Variants in HINT3 observed in about 807,000 individuals in gnomAD.
HINT3 encodes adenosine 5'-monophosphoramidase HINT3.
A neutral mutation model predicts 19.1 loss-of-function variants in HINT3; 16 were observed. The observed-to-expected ratio is 0.84, with a 90% CI of 0.57 to 1.27. The LOEUF (loss-of-function observed/expected upper bound fraction) is 1.27, where lower values mean the gene tolerates loss of function less well. Ranked by LOEUF, HINT3 falls within the 50% of genes most tolerant of loss-of-function variation. The pLI, the probability that HINT3 is intolerant of heterozygous loss-of-function variation, is 0.00. For missense variants in HINT3, 197 were observed against 225.8 expected (o/e 0.87, Z 0.82); for synonymous variants, 75 against 84.8 (o/e 0.88, Z 0.63).
At chr6:125,975,263 A>C (rs915992507) in intron 4 of HINT3, among the ~76,000 whole-genome samples, 4 of 152,154 alleles carry the variant, frequency 2.6e-5, no homozygotes, top group Non-Finnish European at 5.9e-5. Context: ...TCTGGATTCA[A>C]ATTCTGGCTG....
In HINT3 at chr6:125,956,943, G is replaced by T; in HGVS notation, c.-35G>T. The T allele has an allele frequency of 6.5e-7, 1 of 1,542,914 alleles. No homozygotes were observed. Reference sequence around the variant, plus strand: ...ACTGCGCGGGCCCGGTAGCCCTGGAGAGGCCGAGGCTCTAGGCCGCGAGGG... The same window carrying T: ...ACTGCGCGGGCCCGGTAGCCCTGGATAGGCCGAGGCTCTAGGCCGCGAGGG... On this transcript the variant is annotated 5_prime_UTR_variant, in exon 1 of 5. Transcript: ENST00000229633.
intron 2 of HINT3, among the ~76,000 whole-genome samples, chr6:125,970,516 G>A (rs1789082238): frequency 6.6e-6 from 1 of 152,030 alleles, no homozygotes; most frequent in Non-Finnish European, 1.5e-5. Context: ...GCAGCTGGTA[G>A]GTATTTGGGA....
In HINT3 at chr6:125,966,893, G is replaced by C; in HGVS notation, c.208G>C (p.Asp70His). 1 of 1,602,672 alleles carries C rather than the reference G, an allele frequency of 6.2e-7. No homozygotes were observed. Among genetic ancestry groups the C allele is most frequent in the Non-Finnish European group, 8.5e-7 (1 of 1,172,018 alleles). The stretch of plus-strand genomic sequence containing the variant: ...CAAATGTTTTTTCCTTTAGAATGAG[G>C]ACCTAATTTGCTTCAAAGATATCAA... ...GTELLHCENE[D>H]LICFKDIKPA... is the part of the protein sequence containing the mutation. Residue 70 changes from aspartate to histidine, a missense_variant, in exon 2 of 5, where the codon GAC becomes CAC. Coordinates refer to ENST00000229633, the MANE Select transcript of HINT3 (RefSeq NM_138571.5).
Position 125,957,030 on chromosome 6 carries a change from C to T in HINT3, c.53C>T (p.Ala18Val). Reference protein sequence around the residue: ...RSAGLAPDCEASATAETTVSS... With the variant: ...RSAGLAPDCEVSATAETTVSS... ...GCCGGCCTGGCCCCCGACTGTGAGG[C>T]CTCGGCGACTGCAGAAACTACGGTT... is the stretch of plus-strand genomic sequence containing the variant. The change falls in exon 1 of 5, where the codon GCC (alanine) becomes GTC (valine). Residue 18 changes from alanine (A) to valine (V), a missense_variant. Physicochemically the swap from Ala to Val is moderately conservative, Grantham distance 64. Transcript: ENST00000229633. 6.4e-7 allele frequency: 1 copy of T among 1,550,758 alleles called. No homozygotes were observed. The highest frequency in any genetic ancestry group is 2.0e-5 in the Admixed American group (1 of 51,016).
intron 1 of HINT3, among the ~76,000 whole-genome samples, chr6:125,961,045 G>A (rs966915814): frequency 4.6e-5 from 7 of 152,076 alleles, no homozygotes; most frequent in African/African-American, 1.4e-4. Context: ...ATCAAAAGGG[G>A]TGGGATCCAG....
chr6:125,962,165 TATATATATATATATATATATACAC>T (rs1426106038), intron 1 of HINT3, among the ~76,000 whole-genome samples: 539 of 10,504 alleles, frequency 0.051, 20 homozygotes, highest in African/African-American at 0.34. Context: ...TATATACACA[TATATATATATATATATATATACAC>T]ATATATATAT....
intron 3 of HINT3, among the ~76,000 whole-genome samples, chr6:125,973,056 A>G (rs1006102044): frequency 4.4e-5 from 5 of 112,670 alleles, no homozygotes; most frequent in African/African-American, 1.4e-4. Flanking sequence ...ATGATGTTCA[A>G]TTTTTCAACT....
chr6:125,969,194 TA>T (rs1362184007), intron 2 of HINT3, among the ~76,000 whole-genome samples: 4 of 152,166 alleles, frequency 2.6e-5, no homozygotes, highest in Non-Finnish European at 5.9e-5. Flanking sequence ...TGGTGAAAGG[TA>T]GGGGTCCAGT....
Position 125,979,141 on chromosome 6 carries a change from G to A in HINT3, c.*1465G>A, listed in dbSNP as rs1236172020. 6.6e-6 allele frequency: 1 copy of A among 152,116 alleles called. No individual in the cohort carries two copies. The highest frequency in any genetic ancestry group is 1.5e-5 in the Non-Finnish European group (1 of 68,028). The allele number at this position is 152,116 out of a possible 1,614,324, so 9.4% of individuals were successfully genotyped here. ...ACTGGTTAGGCTGAGAAACTTACAAGTATTTTCGTTGAGTTCTGCTTCCAC... is the reference window on the plus strand; with the variant it reads ...ACTGGTTAGGCTGAGAAACTTACAAATATTTTCGTTGAGTTCTGCTTCCAC... On this transcript the variant is annotated 3_prime_UTR_variant, in exon 5 of 5. Transcript: ENST00000229633.
At chr6:125,964,453 A>G (rs759557040) in intron 1 of HINT3, among the ~76,000 whole-genome samples, 6 of 152,300 alleles carry the variant, frequency 3.9e-5, no homozygotes, top group Admixed American at 2.0e-4. Context: ...CATTGTGAGT[A>G]AATAGGTATT....
chr6:125,965,201 G>A (rs779331858), intron 1 of HINT3, among the ~76,000 whole-genome samples: 6 of 152,096 alleles, frequency 3.9e-5, no homozygotes, highest in East Asian at 1.9e-4. Flanking sequence ...TTTAGGAACC[G>A]CTTTAGCTTT....
Position 125,972,246 on chromosome 6 carries a change from T to C in HINT3, c.320-13T>C, listed in dbSNP as rs1300337762. The C allele has an allele frequency of 1.9e-6, 3 of 1,546,374 alleles. No homozygotes were observed. Among genetic ancestry groups the C allele is most frequent in the Non-Finnish European group, 2.6e-6 (3 of 1,139,762 alleles). On this transcript the variant is annotated splice_polypyrimidine_tract_variant and intron_variant, in intron 2 of 4. Transcript: ENST00000229633. Reference sequence around the variant, plus strand: ...CTCCTCTAGTGTAATGTTGTGTCTTTTCTGTTTTACAGTTGAGAACATGGT... The same window carrying C: ...CTCCTCTAGTGTAATGTTGTGTCTTCTCTGTTTTACAGTTGAGAACATGGT...
chr6:125,974,024 T>G (rs1789146405), intron 3 of HINT3, among the ~76,000 whole-genome samples: 1 of 152,212 alleles, frequency 6.6e-6, no homozygotes, highest in African/African-American at 2.4e-5. Flanking sequence ...GTACTGCATA[T>G]CTGACTCCAC....
Position 125,974,973 on chromosome 6 carries a change from A to G in HINT3, c.516A>G (p.Thr172=). 6.2e-7 allele frequency: 1 copy of G among 1,613,456 alleles called. No homozygotes were observed. The highest frequency in any genetic ancestry group is 1.1e-5 in the South Asian group (1 of 90,956). Residue 172 remains threonine, a splice_region_variant and synonymous_variant, in exon 4 of 5, where the codon ACA becomes ACG. Coordinates refer to ENST00000229633, the MANE Select transcript of HINT3 (RefSeq NM_138571.5). ...VYRVNSYWFI[T]ADHLIEKLRT ...GAGTCAATTCCTATTGGTTTATCAC[A>G]GTGAGTATTCTTGTTATGTCAGCAG...
rs1358029839 is a variant in HINT3, at chr6:125,978,707, C to T, written c.*1031C>T. On this transcript the variant is annotated 3_prime_UTR_variant, in exon 5 of 5. Coordinates refer to ENST00000229633, the MANE Select transcript of HINT3 (RefSeq NM_138571.5). Reference sequence around the variant, plus strand: ...ATGTAAATGAATATGAATAAATGAACATGAGGATTAACGAACTGTTGAAAA... The same window carrying T: ...ATGTAAATGAATATGAATAAATGAATATGAGGATTAACGAACTGTTGAAAA... 4 of 152,100 alleles carry T rather than the reference C, an allele frequency of 2.6e-5. No individual in the cohort carries two copies. Among genetic ancestry groups the T allele is most frequent in the Non-Finnish European group, 5.9e-5 (4 of 68,014 alleles). The allele number at this position is 152,100 out of a possible 1,614,324, so 9.4% of individuals were successfully genotyped here.
Position 125,960,660 on chromosome 6 carries a change from G to GTGGGGC in HINT3, c.201+3482_201+3483insTGGGGC, listed in dbSNP as rs1406155954. On this transcript the variant is annotated intron_variant, in intron 1 of 4. Transcript: ENST00000229633. ...TGACAGAGCAAGACTCTCTCTGGGG[G>GTGGGGC]GGGGGAAAAAAAAAGAAGTTAGGGC... 2.1e-5 allele frequency among the ~76,000 whole-genome samples: 3 copies of GTGGGGC among 145,548 alleles called. 1 individual carries two copies. The East Asian group carries it at 6.5e-4, about 31-fold the overall frequency.
chr6:125,968,526 C>A (rs1010512285), intron 2 of HINT3, among the ~76,000 whole-genome samples: 1 of 152,094 alleles, frequency 6.6e-6, no homozygotes, highest in Non-Finnish European at 1.5e-5. Context: ...TGGATATATA[C>A]TCAGTAATGG....
intron 2 of HINT3, 83 bp downstream of exon 2, chr6:125,967,087 C>G: frequency 1.2e-6 from 1 of 838,642 alleles, no homozygotes; most frequent in South Asian, 1.7e-5. Flanking sequence ...AAGAAAAAGT[C>G]TAGTTAAGTA....
chr6:125,972,417 G>A, intron 3 of HINT3, 89 bp downstream of exon 3: 2 of 740,754 alleles, frequency 2.7e-6, no homozygotes, highest in South Asian at 2.2e-5. Flanking sequence ...AAACAGAGGT[G>A]GCAGTTTGTG....
Sources: allele counts gnomAD v4.1 joint callset (sites outside exome capture counted in the v4.1 genomes callset), GRCh38; gene constraint gnomAD v4.1.1; transcripts MANE v1.5; gene names NCBI Gene and HGNC (gene_info 2026-07-23, HGNC 2026-07-21).